Variants in NIPSNAP3A observed in about 807,000 individuals in gnomAD.
NIPSNAP3A encodes the protein protein NipSnap homolog 3A.
In NIPSNAP3A, 27 loss-of-function variants were observed where a neutral mutation model predicts 32.3. The ratio of observed to expected loss-of-function variants is 0.84; its 90% CI spans 0.62 to 1.15. The LOEUF is 1.15. NIPSNAP3A is among the 50% of genes most tolerant of loss of function. The pLI is 0.00. For synonymous variants in NIPSNAP3A, 108 were observed against 107.3 expected (o/e 1.01, Z -0.04); for missense variants, 278 against 297.2 (o/e 0.94, Z 0.48).
chr9:104,756,109 A>G (rs949435340), intron 4 of NIPSNAP3A, among the ~76,000 whole-genome samples: 3 of 152,216 alleles, frequency 2.0e-5, no homozygotes, highest in Non-Finnish European at 4.4e-5. Flanking sequence ...AAAATAGAAT[A>G]TATAAAAACA....
intron 1 of NIPSNAP3A, among the ~76,000 whole-genome samples, chr9:104,750,292 T>C (rs560527967): frequency 3.9e-5 from 6 of 152,340 alleles, no homozygotes; most frequent in African/African-American, 1.2e-4. Flanking sequence ...CATTAAGATC[T>C]CAGCGCCTTC....
chr9:104,748,559 C>T (rs1359239449), intron 1 of NIPSNAP3A, among the ~76,000 whole-genome samples: 2 of 152,140 alleles, frequency 1.3e-5, no homozygotes, highest in Non-Finnish European at 2.9e-5. Flanking sequence ...CCCTAACTTT[C>T]GGGAGTGGCC....
At chr9:104,758,875 C>A (rs1010451840) in intron 4 of NIPSNAP3A, among the ~76,000 whole-genome samples, 5 of 143,652 alleles carry the variant, frequency 3.5e-5, no homozygotes, top group African/African-American at 5.2e-5. Flanking sequence ...GAGGCTGAGG[C>A]AGGAGAATCG....
intron 1 of NIPSNAP3A, 24 bp downstream of exon 1, chr9:104,747,876 G>T: frequency 2.5e-6 from 4 of 1,578,974 alleles, no homozygotes; most frequent in Non-Finnish European, 2.6e-6. Flanking sequence ...GGGTACCCAA[G>T]CCTTCACCCG....
rs145115947 is a variant in NIPSNAP3A, at chr9:104,754,688, G to A, written c.568G>A (p.Ala190Thr). 2.9e-4 allele frequency: 470 copies of A among 1,613,372 alleles called. 1 individual carries two copies. The highest frequency in any genetic ancestry group is 1.4e-4 in the Non-Finnish European group (160 of 1,179,432). Residue 190 changes from alanine to threonine, a missense_variant, in exon 4 of 6, where the codon GCA (alanine) becomes ACA (threonine). By Grantham distance (58) the Ala-to-Thr change is moderately conservative (BLOSUM62 0). Coordinates refer to ENST00000374767, the MANE Select transcript of NIPSNAP3A (RefSeq NM_015469.3). ...TGGAGTGTTCCACACAGAGTACGGA[G>A]CACTCAACAGAGGTACAATTGTCCA... ...LVGVFHTEYG[A>T]LNRVHVLWWN...
In NIPSNAP3A at chr9:104,750,966, C is replaced by CTT. The variant is rs1255148100; in HGVS notation, c.74_75dup (p.Ala26LeufsTer25). On this transcript the variant is annotated frameshift_variant, in exon 2 of 6. Transcript: ENST00000374767. LOFTEE classifies it high-confidence loss of function. ...TCTTATCTTCTTCAGATGTGCTCAT[C>CTT]TTTTGCTACGGGACCCAGACAATAC... is the stretch of plus-strand genomic sequence containing the variant. 1 of 1,612,568 alleles carries CTT rather than the reference C, an allele frequency of 6.2e-7. No homozygotes were observed. The highest frequency in any genetic ancestry group is 1.3e-5 in the African/African-American group (1 of 74,898).
At chr9:104,756,814 CTTTTTTTT>C (rs34247948) in intron 4 of NIPSNAP3A, among the ~76,000 whole-genome samples, 1 of 114,326 alleles carries the variant, frequency 8.7e-6, no homozygotes, top group Non-Finnish European at 1.8e-5. Flanking sequence ...TGTTAATATT[CTTTTTTTT>C]TTTTTTTTTT....
Position 104,747,832 on chromosome 9 carries a change from T to G in NIPSNAP3A, c.40T>G (p.Ser14Ala). Reference protein sequence around the residue: ...LRSALTRALASRTLAPQMCSS... With the variant: ...LRSALTRALAARTLAPQMCSS... ...AAGCGCCCTGACTCGGGCGCTGGCC[T>G]CACGGACGCTGGCGCCTCAGGTACC... The change falls in exon 1 of 6, where the codon TCA (serine) becomes GCA (alanine). Residue 14 changes from serine (S) to alanine (A), a missense_variant. Transcript: ENST00000374767. 6.2e-7 allele frequency: 1 copy of G among 1,608,618 alleles called. No individual in the cohort carries two copies. Among genetic ancestry groups the G allele is most frequent in the Non-Finnish European group, 8.5e-7 (1 of 1,178,930 alleles).
In NIPSNAP3A at chr9:104,759,779, A is replaced by G. The variant is rs970251869; in HGVS notation, c.*441A>G. On this transcript the variant is annotated 3_prime_UTR_variant, in exon 6 of 6. Transcript: ENST00000374767. ...GGTTTTTTTTGGTTGTTTTTTGACC[A>G]GTAAAATTTATTTTGTAATACCAAA... is the stretch of plus-strand genomic sequence containing the variant. The G allele has an allele frequency of 6.3e-6, 1 of 158,174 alleles. No homozygotes were observed. Among genetic ancestry groups the G allele is most frequent in the Non-Finnish European group, 1.4e-5 (1 of 71,652 alleles). The allele number at this position is 158,174 out of a possible 1,614,324, so 9.8% of individuals were successfully genotyped here. A position where few individuals can be genotyped will look rare whatever the true frequency, so the allele number is the denominator to read the frequency against.
chr9:104,755,338 A>G (rs1827894046), intron 4 of NIPSNAP3A, among the ~76,000 whole-genome samples: 1 of 149,934 alleles, frequency 6.7e-6, no homozygotes, highest in Non-Finnish European at 1.5e-5. Context: ...TAAAAATAAT[A>G]TTATTTGGGG....
At chr9:104,750,891 G>C in intron 1 of NIPSNAP3A, 65 bp from the exon 2 acceptor site, 1 of 1,284,072 alleles carries the variant, frequency 7.8e-7, no homozygotes, top group South Asian at 1.2e-5. Context: ...ATTCAGATTA[G>C]GTTTTAACAC....
chr9:104,755,130 A>G (rs1827891709), intron 4 of NIPSNAP3A, among the ~76,000 whole-genome samples: 1 of 151,908 alleles, frequency 6.6e-6, no homozygotes, highest in African/African-American at 2.4e-5. Flanking sequence ...AATCCCAGCT[A>G]TTCTGGAGGC....
At chr9:104,753,200 G>A in intron 3 of NIPSNAP3A, 136 bp downstream of exon 3, 3 of 741,632 alleles carry the variant, frequency 4.0e-6, no homozygotes, top group South Asian at 1.7e-5. Context: ...TGATTGTTGT[G>A]GTAAAAATAA....
chr9:104,749,796 G>A (rs1398814071), intron 1 of NIPSNAP3A, among the ~76,000 whole-genome samples: 2 of 152,164 alleles, frequency 1.3e-5, no homozygotes, highest in Admixed American at 1.3e-4. Context: ...GTGCGTGTAT[G>A]ACTATTACAA....
intron 4 of NIPSNAP3A, 120 bp downstream of exon 4, chr9:104,754,820 TTTTGTA>T: frequency 1.3e-6 from 1 of 758,584 alleles, no homozygotes; most frequent in Non-Finnish European, 2.1e-6. Context: ...ATGTTTAGTT[TTTTGTA>T]ATTTTTAAAA....
chr9:104,749,163 A>G (rs1288872064), intron 1 of NIPSNAP3A, among the ~76,000 whole-genome samples: 1 of 152,208 alleles, frequency 6.6e-6, no homozygotes, highest in African/African-American at 2.4e-5. Flanking sequence ...TTTGTCACAA[A>G]TGCCCCATTG....
intron 3 of NIPSNAP3A, among the ~76,000 whole-genome samples, 160 bp downstream of exon 3, chr9:104,753,224 C>A (rs773732854): frequency 4.0e-5 from 6 of 149,980 alleles, no homozygotes; most frequent in Non-Finnish European, 7.4e-5. Flanking sequence ...GGAGCTCTTA[C>A]CCCATCCTTT....
intron 2 of NIPSNAP3A, among the ~76,000 whole-genome samples, chr9:104,752,677 A>G (rs1277359480): frequency 2.6e-5 from 4 of 152,308 alleles, no homozygotes; most frequent in African/African-American, 7.2e-5. Flanking sequence ...GGTTGAGCCT[A>G]TAAAGCCTAT....
rs904185983 is a variant in NIPSNAP3A at position 104,759,246 on chromosome 9, T to C, written c.668-16T>C. 4.3e-6 allele frequency: 7 copies of C among 1,614,046 alleles called. No homozygotes were observed. The Middle Eastern group carries it at 4.9e-4, about 114-fold the overall frequency. ...GTCAGTAACTCTATATGCCTTTCTA[T>C]GAAATGTTTTTCCAGTTCGGGAAAG... On this transcript the variant is annotated splice_polypyrimidine_tract_variant and intron_variant, in intron 5 of 5. Transcript: ENST00000374767.
Sources: allele counts gnomAD v4.1 joint callset (sites outside exome capture counted in the v4.1 genomes callset), GRCh38; gene constraint gnomAD v4.1.1; transcripts MANE v1.5; gene names NCBI Gene and HGNC (gene_info 2026-07-23, HGNC 2026-07-21).